PTPRN2: variants seen among roughly 807,000 people sequenced by gnomAD.
The protein encoded by PTPRN2 is protein tyrosine phosphatase receptor type N2, also known as receptor-type tyrosine-protein phosphatase N2.
Under a neutral mutation model 118.8 loss-of-function variants are expected in PTPRN2, and 74 were observed. The observed-to-expected ratio is 0.62, with a 90% CI of 0.52 to 0.76. The LOEUF is 0.76. Among genes scored for constraint, PTPRN2 ranks in the 30% least tolerant of loss-of-function variants. PTPRN2 has a pLI of 0.00. For synonymous variants in PTPRN2, 641 were observed against 608.0 expected (o/e 1.05, Z -0.80); for missense variants, 1,481 against 1,394.4 (o/e 1.06, Z -0.99).
chr7:157,589,538 T>A (rs1229859353), intron 17 of PTPRN2, among the ~76,000 whole-genome samples: 1 of 152,182 alleles, frequency 6.6e-6, no homozygotes, highest in Non-Finnish European at 1.5e-5. Flanking sequence ...TGCCTCCTCC[T>A]CTCGTCTTCC....
intron 10 of PTPRN2, among the ~76,000 whole-genome samples, chr7:158,087,422 G>T (rs1813513468): frequency 6.6e-6 from 1 of 152,252 alleles, no homozygotes; most frequent in Non-Finnish European, 1.5e-5. Context: ...ATGGTAAGAA[G>T]CGTCTGATGC....
chr7:157,965,795 T>G (rs1227489530), intron 11 of PTPRN2, among the ~76,000 whole-genome samples: 1 of 152,246 alleles, frequency 6.6e-6, no homozygotes, highest in Admixed American at 6.5e-5. Flanking sequence ...TTTATGACTT[T>G]CTGAAGAATT....
intron 12 of PTPRN2, among the ~76,000 whole-genome samples, chr7:157,700,560 C>T (rs1032786483): frequency 6.6e-6 from 1 of 152,218 alleles, no homozygotes; most frequent in African/African-American, 2.4e-5. Context: ...TTCCCCATCC[C>T]CCTATGCTGA....
chr7:158,383,557 G>A (rs919990070), intron 2 of PTPRN2, among the ~76,000 whole-genome samples: 11 of 152,004 alleles, frequency 7.2e-5, no homozygotes, highest in East Asian at 3.8e-4. Context: ...AATAGCCTCC[G>A]GGATCCCAAA....
chr7:158,421,765 GT>G (rs1815275850), intron 2 of PTPRN2, among the ~76,000 whole-genome samples: 1 of 152,340 alleles, frequency 6.6e-6, no homozygotes. Flanking sequence ...CATATGCTCT[GT>G]TTGATGTAAA....
At chr7:157,796,115 C>A (rs1003507770) in intron 12 of PTPRN2, among the ~76,000 whole-genome samples, 8 of 152,248 alleles carry the variant, frequency 5.3e-5, no homozygotes, top group Non-Finnish European at 8.8e-5. Context: ...GGGACCTGCC[C>A]AGTCCTGTCA....
rs540435182 is a variant in PTPRN2 at position 158,138,239 on chromosome 7, G to A, written c.1132+55C>T. 447 of 1,537,876 alleles carry A rather than the reference G, an allele frequency of 2.9e-4. 1 individual carries two copies. Among genetic ancestry groups the A allele is most frequent in the Non-Finnish European group, 3.8e-4 (428 of 1,124,640 alleles). ...GCCAGCAGTCTCTGCACAGCCCTGA[G>A]GCCTCCCCTCCCCGCAGCACCCCTG... is the stretch of plus-strand genomic sequence containing the variant. On this transcript the variant is annotated intron_variant, in intron 7 of 22. Transcript: ENST00000389418.
rs1329114491 is a variant in PTPRN2 at position 158,188,588 on chromosome 7, G to A, written c.549+3739C>T. On this transcript the variant is annotated intron_variant, in intron 5 of 22. Transcript: ENST00000389418. ...CTGTATGGGGAAGGCCGCCACGCTC[G>A]CCCCCTGATGGGGAAGCCCGCCACG... Among the ~76,000 whole-genome samples, 5 of 106,750 alleles carry A rather than the reference G, an allele frequency of 4.7e-5. 1 individual carries two copies. Among genetic ancestry groups the A allele is most frequent in the African/African-American group, 1.1e-4 (3 of 26,110 alleles). 70.0% of individuals were successfully genotyped at this position (106,750 alleles called of 152,430 possible).
intron 1 of PTPRN2, among the ~76,000 whole-genome samples, chr7:158,511,750 A>C (rs1220216839): frequency 6.6e-6 from 1 of 152,210 alleles, no homozygotes; most frequent in East Asian, 1.9e-4. Flanking sequence ...CCTTGGGTAC[A>C]AACGGGTTGT....
At chr7:157,710,238 C>T (rs913866304) in intron 12 of PTPRN2, among the ~76,000 whole-genome samples, 3 of 152,212 alleles carry the variant, frequency 2.0e-5, no homozygotes, top group South Asian at 2.1e-4. Flanking sequence ...CTTTCTGGAA[C>T]GTCCAGAATA....
chr7:158,367,456 G>C (rs1410817310), intron 2 of PTPRN2, among the ~76,000 whole-genome samples: 1 of 152,210 alleles, frequency 6.6e-6, no homozygotes. Context: ...TCATGGGCAG[G>C]AGGACGCAGT....
chr7:158,093,246 C>T lies in PTPRN2; in HGVS notation c.1644-11869G>A, dbSNP rs1384678571. On this transcript the variant is annotated intron_variant, in intron 10 of 22. Coordinates refer to ENST00000389418, the MANE Select transcript of PTPRN2 (RefSeq NM_002847.5). This position sits in a 1 kb window ranked among gnomAD's most constrained non-coding sequence, Gnocchi z 4.4. ...CGACCCCCCACACTGTAGACCCACA[C>T]GCAGGCCTGCACCGTCCTTTCCTGA... 2.4e-5 allele frequency among the ~76,000 whole-genome samples: 3 copies of T among 127,460 alleles called. No homozygotes were observed. Among genetic ancestry groups the T allele is most frequent in the African/African-American group, 9.1e-5 (3 of 33,110 alleles). 83.6% of individuals were successfully genotyped at this position (127,460 alleles called of 152,430 possible). A position where few individuals can be genotyped will look rare whatever the true frequency, so the allele number is the denominator to read the frequency against.
chr7:158,286,686 T>C (rs965053942), intron 3 of PTPRN2, among the ~76,000 whole-genome samples: 2 of 152,214 alleles, frequency 1.3e-5, no homozygotes, highest in Non-Finnish European at 2.9e-5. Flanking sequence ...CATCCTTGCA[T>C]ACCAGGGATA....
rs747387074 is a variant in PTPRN2, at chr7:158,133,881, G to T, written c.1352C>A (p.Thr451Lys). 6.2e-7 allele frequency: 1 copy of T among 1,613,910 alleles called. No homozygotes were observed. Among genetic ancestry groups the T allele is most frequent in the Admixed American group, 1.7e-5 (1 of 60,036 alleles). Reference protein sequence around the residue: ...TAGVENVKSQTYSKDLLGQQP... With the variant: ...TAGVENVKSQKYSKDLLGQQP... ...CTGCCCCAGCAGATCTTTGGAATAC[G>T]TCTGGCTCTTGACGTTCTCCACTCC... Residue 451 changes from threonine to lysine, a missense_variant, in exon 9 of 23, where the codon ACG (threonine) becomes AAG (lysine). Thr to Lys is a moderately conservative substitution (Grantham distance 78). Around this residue, in one of 3 missense-constraint regions of PTPRN2, gnomAD observed 1,115 missense variants for 994.2 expected, o/e 1.12. Transcript: ENST00000389418.
At chr7:158,078,062 T>G (rs1359496895) in intron 11 of PTPRN2, among the ~76,000 whole-genome samples, 1 of 152,206 alleles carries the variant, frequency 6.6e-6, no homozygotes, top group African/African-American at 2.4e-5. Context: ...GGGAAAGCAT[T>G]GCCTACGATA....
chr7:157,601,611 C>G (rs527254138), intron 16 of PTPRN2, among the ~76,000 whole-genome samples: 1 of 152,228 alleles, frequency 6.6e-6, no homozygotes, highest in Non-Finnish European at 1.5e-5. Context: ...ACACACACCC[C>G]CTCTGGTTCC....
intron 15 of PTPRN2, among the ~76,000 whole-genome samples, chr7:157,612,297 G>A (rs1305076958): frequency 6.6e-6 from 1 of 152,234 alleles, no homozygotes; most frequent in South Asian, 2.1e-4. Context: ...CAGGAGCACA[G>A]ATATCAGACA....
intron 12 of PTPRN2, among the ~76,000 whole-genome samples, chr7:157,693,958 A>AG (rs532245124): frequency 3.9e-5 from 6 of 152,304 alleles, no homozygotes; most frequent in African/African-American, 1.2e-4. Flanking sequence ...GGACAGGGCT[A>AG]GGGGGACGCA....
intron 12 of PTPRN2, among the ~76,000 whole-genome samples, chr7:157,735,377 C>T (rs1800238232): frequency 6.6e-6 from 1 of 152,210 alleles, no homozygotes; most frequent in South Asian, 2.1e-4. Context: ...GGTGTCCATC[C>T]TGAGCTCCAA....
Sources: gnomAD v4.1 joint callset for allele counts (sites outside exome capture counted in the v4.1 genomes callset) on GRCh38, gnomAD v4.1.1 for gene constraint, gnomAD v4.1.1 regional missense constraint, Gnocchi (gnomAD v3.1) non-coding constraint, MANE v1.5 for transcripts, NCBI Gene and HGNC (gene_info 2026-07-23, HGNC 2026-07-21) for gene names.